Variants in CXCR4 observed in about 807,000 individuals in gnomAD.
CXCR4 encodes the protein C-X-C motif chemokine receptor 4.
Under a neutral mutation model 22.4 loss-of-function variants are expected in CXCR4, and 6 were observed. The ratio of observed to expected loss-of-function variants is 0.27; its 90% CI spans 0.15 to 0.53. The LOEUF is 0.53. Among genes scored for constraint, CXCR4 ranks in the 20% least tolerant of loss-of-function variants. The probability of loss-of-function intolerance (pLI) is 0.96; values close to 1 mark genes in which losing one functional copy is unlikely to be tolerated. For synonymous variants in CXCR4, 155 were observed against 171.7 expected (o/e 0.90, Z 0.76); for missense variants, 300 against 430.4 (o/e 0.70, Z 2.68).
chr2:136,114,970 C>T lies in CXCR4; in HGVS notation c.958G>A (p.Val320Met). The T allele has an allele frequency of 6.2e-7, 1 of 1,614,014 alleles. No homozygotes were observed. Among genetic ancestry groups the T allele is most frequent in the African/African-American group, 1.3e-5 (1 of 75,030 alleles). ...ATCTTGAGGCTGGACCCTCTGCTCACAGAGGTGAGTGCGTGCTGGGCAGAG... is the reference window on the plus strand; with the variant it reads ...ATCTTGAGGCTGGACCCTCTGCTCATAGAGGTGAGTGCGTGCTGGGCAGAG... ...KTSAQHALTS[V>M]SRGSSLKILS... Residue 320 changes from valine to methionine, a missense_variant, in exon 2 of 2, where the codon GTG becomes ATG. Physicochemically the swap from Val to Met is conservative, Grantham distance 21 (BLOSUM62 1). Coordinates refer to ENST00000241393, the MANE Select transcript of CXCR4 (RefSeq NM_003467.3).
At chr2:136,117,389 ATCAACTCCTAGCTG>A in intron 1 of CXCR4, 1 of 152,248 alleles carries the variant, frequency 6.6e-6, no homozygotes, top group South Asian at 2.0e-4. Context: ...GCGCGGGCGG[ATCAACTCCTAGCTG>A]CTGCCACCAC....
At position 136,115,333 on chromosome 2, in the gene CXCR4, A is replaced by G. The variant is rs2104916683; in HGVS notation, c.595T>C (p.Phe199Leu). 6 of 1,614,190 alleles carry G rather than the reference A, an allele frequency of 3.7e-6. No homozygotes were observed. Among genetic ancestry groups the G allele is most frequent in the Non-Finnish European group, 5.1e-6 (6 of 1,180,030 alleles). Residue 199 changes from phenylalanine to leucine, a missense_variant, in exon 2 of 2, where the codon TTC becomes CTC. Phe to Leu is a conservative substitution (Grantham distance 22). Transcript: ENST00000241393. The surrounding 1 kb of genome is among the most constrained non-coding windows in gnomAD (Gnocchi z 6.4). ...FYPNDLWVVV[F>L]QFQHIMVGLI... ...CCAACCATGATGTGCTGAAACTGGAACACAACCACCCACAAGTCATTGGGG... is the reference window on the plus strand; with the variant it reads ...CCAACCATGATGTGCTGAAACTGGAGCACAACCACCCACAAGTCATTGGGG...
intron 1 of CXCR4, 177 bp downstream of exon 1, chr2:136,117,869 T>TCCCTCCCCCC: frequency 1.2e-5 from 2 of 170,812 alleles, no homozygotes; most frequent in South Asian, 7.0e-5. Context: ...CCAATCCTGC[T>TCCCTCCCCCC]CCCCCCCCAC....
chr2:136,117,883 C>G (rs1310437977), intron 1 of CXCR4, 163 bp downstream of exon 1: 1 of 181,474 alleles, frequency 5.5e-6, no homozygotes. Flanking sequence ...CCCCCACCCA[C>G]CCGCACTATA....
chr2:136,115,768 C>T lies in CXCR4; in HGVS notation c.160G>A (p.Val54Met). 6.2e-7 allele frequency: 1 copy of T among 1,614,218 alleles called. No homozygotes were observed. Among genetic ancestry groups the T allele is most frequent in the Non-Finnish European group, 8.5e-7 (1 of 1,180,044 alleles). ...ACCAGGATGACCAATCCATTGCCCA[C>T]AATGCCAGTTAAGAAGATGATGGAG... is the stretch of plus-strand genomic sequence containing the variant. ...IYSIIFLTGI[V>M]GNGLVILVMG... Residue 54 changes from valine to methionine, a missense_variant, in exon 2 of 2, where the codon GTG becomes ATG. Val to Met is a conservative substitution (Grantham distance 21, BLOSUM62 1). Transcript: ENST00000241393. The surrounding 1 kb of genome is among the most constrained non-coding windows in gnomAD (Gnocchi z 6.4).
chr2:136,114,904 T>C lies in CXCR4; in HGVS notation c.1024A>G (p.Thr342Ala). The C allele has an allele frequency of 6.2e-7, 1 of 1,611,280 alleles. No individual in the cohort carries two copies. Among genetic ancestry groups the C allele is most frequent in the Non-Finnish European group, 8.5e-7 (1 of 1,178,400 alleles). ...GKRGGHSSVS[T>A]ESESSSFHSS The stretch of plus-strand genomic sequence containing the variant: ...TGAAAACTTGAAGACTCAGACTCAG[T>C]GGAAACAGATGAATGTCCACCTCGC... The change falls in exon 2 of 2, where the codon ACT (threonine) becomes GCT (alanine). Residue 342 changes from threonine to alanine, a missense_variant. Thr to Ala is a moderately conservative substitution (Grantham distance 58). Transcript: ENST00000241393.
At position 136,114,666 on chromosome 2, in the gene CXCR4, T is replaced by G; in HGVS notation, c.*203A>C. On this transcript the variant is annotated 3_prime_UTR_variant, in exon 2 of 2. Transcript: ENST00000241393. ...CAGCAACTAAGAACTTGGCCACAGG[T>G]CCTGCCTAGACACACATCAATATGA... 2.1e-6 allele frequency: 1 copy of G among 474,126 alleles called. No homozygotes were observed. Among genetic ancestry groups the G allele is most frequent in the Non-Finnish European group, 3.7e-6 (1 of 270,364 alleles). 29.4% of individuals were successfully genotyped at this position (474,126 alleles called of 1,614,324 possible).
At chr2:136,116,028 A>G (rs1368459502) in intron 1 of CXCR4, 116 bp from the exon 2 acceptor site, 21 of 1,576,514 alleles carry the variant, frequency 1.3e-5, no homozygotes, top group East Asian at 2.3e-5. Flanking sequence ...TCTTCAGGAA[A>G]TTCTGAAGTA....
chr2:136,116,232 G>A, intron 1 of CXCR4: 3 of 1,221,098 alleles, frequency 2.5e-6, no homozygotes, highest in Non-Finnish European at 3.1e-6. Flanking sequence ...CCACTAGAGG[G>A]AAGAAAAAAA....
At chr2:136,117,878 A>ACCCCCCC in intron 1 of CXCR4, 168 bp downstream of exon 1, 6 of 113,486 alleles carry the variant, frequency 5.3e-5, no homozygotes, top group South Asian at 8.2e-5. Context: ...CTCCCCCCCC[A>ACCCCCCC]CCCACCCGCA....
Position 136,115,556 on chromosome 2 carries a change from G to A in CXCR4, c.372C>T (p.Val124=). ...CCAGACTGATGAAGGCCAGGATGAG[G>A]ACACTGCTGTAGAGGTTGACTGTGT... ...VIYTVNLYSS[V]LILAFISLDR... The change falls in exon 2 of 2, where the codon GTC becomes GTT. Residue 124 remains valine (V), a synonymous_variant. Transcript: ENST00000241393. The surrounding 1 kb of genome is among the most constrained non-coding windows in gnomAD (Gnocchi z 6.4). 1 of 1,614,216 alleles carries A rather than the reference G, an allele frequency of 6.2e-7. No homozygotes were observed. The highest frequency in any genetic ancestry group is 8.5e-7 in the Non-Finnish European group (1 of 1,180,040).
chr2:136,117,206 A>G (rs1226004973), intron 1 of CXCR4, among the ~76,000 whole-genome samples: 1 of 151,910 alleles, frequency 6.6e-6, no homozygotes, highest in African/African-American at 2.4e-5. Flanking sequence ...ACCCGCTCCT[A>G]TCCCCGGAGC....
At chr2:136,117,869 T>TTCC in intron 1 of CXCR4, 177 bp downstream of exon 1, 3 of 170,812 alleles carry the variant, frequency 1.8e-5, no homozygotes, top group Non-Finnish European at 2.4e-5. Context: ...CCAATCCTGC[T>TTCC]CCCCCCCCAC....
Position 136,115,455 on chromosome 2 carries a change from A to G in CXCR4, c.473T>C (p.Val158Ala), listed in dbSNP as rs780780627. Residue 158 changes from valine (V) to alanine (A), a missense_variant, in exon 2 of 2, where the codon GTT becomes GCT. Transcript: ENST00000241393. This position sits in a 1 kb window ranked among gnomAD's most constrained non-coding sequence, Gnocchi z 6.4. ...RKLLAEKVVY[V>A]GVWIPALLLT... is the part of the protein sequence containing the mutation. Reference sequence around the variant, plus strand: ...CAGGAGGGCAGGGATCCAGACGCCAACATAGACCACCTTTTCAGCCAACAG... The same window carrying G: ...CAGGAGGGCAGGGATCCAGACGCCAGCATAGACCACCTTTTCAGCCAACAG... 8.7e-6 allele frequency: 14 copies of G among 1,614,226 alleles called. No homozygotes were observed. Among genetic ancestry groups the G allele is most frequent in the South Asian group, 2.2e-5 (2 of 91,084 alleles).
At position 136,114,648 on chromosome 2, in the gene CXCR4, T is replaced by C; in HGVS notation, c.*221A>G. 2 of 445,720 alleles carry C rather than the reference T, an allele frequency of 4.5e-6. No individual in the cohort carries two copies. The highest frequency in any genetic ancestry group is 4.0e-6 in the Non-Finnish European group (1 of 250,718). 27.6% of individuals were successfully genotyped at this position (445,720 alleles called of 1,614,324 possible). ...GTCCTACCACGAGACATACAGCAAC[T>C]AAGAACTTGGCCACAGGTCCTGCCT... On this transcript the variant is annotated 3_prime_UTR_variant, in exon 2 of 2. Transcript: ENST00000241393.
chr2:136,117,869 T>TCTCCCCC, intron 1 of CXCR4, 177 bp downstream of exon 1: 1 of 170,808 alleles, frequency 5.9e-6, no homozygotes, highest in South Asian at 7.0e-5. Flanking sequence ...CCAATCCTGC[T>TCTCCCCC]CCCCCCCCAC....
In CXCR4 at chr2:136,115,122, A is replaced by G. The variant is rs1179799352; in HGVS notation, c.806T>C (p.Ile269Thr). The G allele has an allele frequency of 6.2e-7, 1 of 1,614,204 alleles. No individual in the cohort carries two copies. The highest frequency in any genetic ancestry group is 1.7e-5 in the Admixed American group (1 of 60,030). Residue 269 changes from isoleucine (I) to threonine (T), a missense_variant, in exon 2 of 2, where the codon ATC (isoleucine) becomes ACC (threonine). Coordinates refer to ENST00000241393, the MANE Select transcript of CXCR4 (RefSeq NM_003467.3). This position sits in a 1 kb window ranked among gnomAD's most constrained non-coding sequence, Gnocchi z 6.4. ...CTCAAACTCACACCCTTGCTTGATG[A>G]TTTCCAGGAGGATGAAGGAGTCGAT... ...ISIDSFILLEIIKQGCEFENT... is the reference protein window; with the variant it reads ...ISIDSFILLETIKQGCEFENT...
intron 1 of CXCR4, 191 bp downstream of exon 1, chr2:136,117,855 G>C (rs1684959610): frequency 2.2e-6 from 1 of 460,964 alleles, no homozygotes; most frequent in Non-Finnish European, 3.9e-6. Flanking sequence ...CAGAGAAAAA[G>C]ATTCCAATCC....
intron 1 of CXCR4, among the ~76,000 whole-genome samples, chr2:136,116,833 G>A (rs999909936): frequency 7.9e-5 from 12 of 152,232 alleles, no homozygotes; most frequent in Middle Eastern, 6.8e-3. Flanking sequence ...CCAGGCGGTG[G>A]GCACGCGGGG....
Sources: gnomAD v4.1 joint callset for allele counts (sites outside exome capture counted in the v4.1 genomes callset) on GRCh38, gnomAD v4.1.1 for gene constraint, Gnocchi (gnomAD v3.1) non-coding constraint, MANE v1.5 for transcripts, NCBI Gene and HGNC (gene_info 2026-07-23, HGNC 2026-07-21) for gene names.